The following PDSS2 variants were observed in gnomAD, a reference collection of about 807,000 sequenced individuals.
PDSS2 encodes decaprenyl diphosphate synthase subunit 2.
A neutral mutation model predicts 44.5 loss-of-function variants in PDSS2; 31 were observed. The observed-to-expected ratio is 0.70, with a 90% CI of 0.52 to 0.94. The LOEUF (loss-of-function observed/expected upper bound fraction) is 0.94. Ranked by LOEUF, PDSS2 falls within the 40% of genes least tolerant of loss-of-function variation. PDSS2 has a pLI of 0.00. For missense variants in PDSS2, 452 were observed against 482.2 expected (o/e 0.94, Z 0.59); for synonymous variants, 157 against 180.3 (o/e 0.87, Z 1.03).
chr6:107,301,716 C>A (rs541836655), intron 2 of PDSS2, among the ~76,000 whole-genome samples: 14 of 152,044 alleles, frequency 9.2e-5, no homozygotes, highest in Non-Finnish European at 1.6e-4. Context: ...GTAAGCCCAG[C>A]ACTTTTTGAG....
intron 1 of PDSS2, among the ~76,000 whole-genome samples, chr6:107,415,106 T>A (rs1583055988): frequency 6.6e-6 from 1 of 152,198 alleles, no homozygotes; most frequent in South Asian, 2.1e-4. Flanking sequence ...AAGCTAGGAA[T>A]CTCCAATGGA....
intron 7 of PDSS2, among the ~76,000 whole-genome samples, chr6:107,161,168 C>T (rs1423055234): frequency 1.3e-5 from 2 of 151,704 alleles, no homozygotes; most frequent in Non-Finnish European, 2.9e-5. Flanking sequence ...AGCCACCACT[C>T]CCAGCCTAGG....
At chr6:107,413,111 A>G (rs1780553894) in intron 1 of PDSS2, among the ~76,000 whole-genome samples, 1 of 152,196 alleles carries the variant, frequency 6.6e-6, no homozygotes. Flanking sequence ...GATGTTTCAG[A>G]CTTCTTCTCT....
intron 1 of PDSS2, among the ~76,000 whole-genome samples, chr6:107,340,280 AAACACTAAT>A (rs1459319429): frequency 3.9e-5 from 6 of 152,204 alleles, no homozygotes; most frequent in South Asian, 2.1e-4. Flanking sequence ...GATAAAGAGT[AAACACTAAT>A]AACACTAATA....
chr6:107,307,090 T>C (rs1180101314), intron 2 of PDSS2, among the ~76,000 whole-genome samples: 1 of 152,232 alleles, frequency 6.6e-6, no homozygotes, highest in East Asian at 1.9e-4. Context: ...GCAGATAATA[T>C]GGCTTATTGA....
chr6:107,316,378 G>A (rs2500585), intron 2 of PDSS2, among the ~76,000 whole-genome samples: 104,620 of 152,002 alleles, frequency 0.69, 38,559 homozygotes, highest in Non-Finnish European at 0.82. Flanking sequence ...AGCAGAGGAC[G>A]GATTGGTTTA....
At chr6:107,186,582 C>T (rs770659369) in intron 7 of PDSS2, among the ~76,000 whole-genome samples, 4 of 152,070 alleles carry the variant, frequency 2.6e-5, no homozygotes, top group Non-Finnish European at 4.4e-5. Context: ...CACCTATTGA[C>T]CCGCTCTCTA....
intron 1 of PDSS2, among the ~76,000 whole-genome samples, chr6:107,454,111 G>A (rs913198328): frequency 2.7e-5 from 4 of 148,074 alleles, no homozygotes; most frequent in East Asian, 2.0e-4. Context: ...ACAGTGGCAC[G>A]ACCACAGCTT....
At chr6:107,363,265 G>C (rs908275438) in intron 1 of PDSS2, among the ~76,000 whole-genome samples, 1 of 152,194 alleles carries the variant, frequency 6.6e-6, no homozygotes, top group Non-Finnish European at 1.5e-5. Flanking sequence ...AATTGTGTTC[G>C]GAATTGGTGG....
chr6:107,236,983 G>A (rs1259111554), intron 4 of PDSS2, among the ~76,000 whole-genome samples: 1 of 151,130 alleles, frequency 6.6e-6, no homozygotes, highest in East Asian at 1.9e-4. Flanking sequence ...CTGTTACCCA[G>A]GCTGAAGTAT....
At chr6:107,168,125 G>C (rs573681529) in intron 7 of PDSS2, among the ~76,000 whole-genome samples, 54 of 152,220 alleles carry the variant, frequency 3.5e-4, no homozygotes, top group African/African-American at 1.3e-3. Context: ...TCTCTTTGTA[G>C]GTCTCTAAGG....
chr6:107,421,807 A>AACACACACAC lies in PDSS2; in HGVS notation c.296+37173_296+37182dup, dbSNP rs33978698. 8.2e-4 allele frequency among the ~76,000 whole-genome samples: 120 copies of AACACACACAC among 146,206 alleles called. 1 individual carries two copies. Among genetic ancestry groups the AACACACACAC allele is most frequent in the Admixed American group, 4.3e-3 (62 of 14,542 alleles). ...CTATATACGTGATAAAATTTCACAG[A>AACACACACAC]ACACACACACACACACACACACACA... On this transcript the variant is annotated intron_variant, in intron 1 of 7. Coordinates refer to ENST00000369037, the MANE Select transcript of PDSS2 (RefSeq NM_020381.4).
chr6:107,447,140 T>C (rs1781710960), intron 1 of PDSS2, among the ~76,000 whole-genome samples: 2 of 152,068 alleles, frequency 1.3e-5, no homozygotes, highest in African/African-American at 4.8e-5. Flanking sequence ...GAGACCATCC[T>C]GGCTAACACG....
At chr6:107,298,650 T>A (rs1776591009) in intron 2 of PDSS2, among the ~76,000 whole-genome samples, 1 of 152,212 alleles carries the variant, frequency 6.6e-6, no homozygotes, top group Non-Finnish European at 1.5e-5. Flanking sequence ...TATGCATATA[T>A]GTGTGTGTAT....
chr6:107,257,580 G>C (rs900572036), intron 3 of PDSS2, among the ~76,000 whole-genome samples: 1 of 151,902 alleles, frequency 6.6e-6, no homozygotes, highest in Non-Finnish European at 1.5e-5. Flanking sequence ...GGACATACTT[G>C]GGTTAGAAAT....
chr6:107,341,959 A>C (rs1778093755), intron 1 of PDSS2, among the ~76,000 whole-genome samples: 1 of 152,180 alleles, frequency 6.6e-6, no homozygotes, highest in African/African-American at 2.4e-5. Context: ...ATTAGCATGG[A>C]GGCTCAAAAA....
At chr6:107,314,807 G>A (rs1261724080) in intron 2 of PDSS2, among the ~76,000 whole-genome samples, 1 of 152,206 alleles carries the variant, frequency 6.6e-6, no homozygotes, top group Non-Finnish European at 1.5e-5. Context: ...ATTATTTACA[G>A]AACCATTATC....
chr6:107,214,752 C>T (rs1388350314), intron 4 of PDSS2, among the ~76,000 whole-genome samples: 1 of 152,218 alleles, frequency 6.6e-6, no homozygotes, highest in Non-Finnish European at 1.5e-5. Context: ...GGGGCATCTT[C>T]AGCCCACTGG....
At chr6:107,372,322 A>T (rs974505043) in intron 1 of PDSS2, among the ~76,000 whole-genome samples, 2 of 152,114 alleles carry the variant, frequency 1.3e-5, no homozygotes, top group African/African-American at 4.8e-5. Flanking sequence ...AAATCACAAG[A>T]CTCTGAAGTA....
Sources: gnomAD v4.1 joint callset for allele counts (sites outside exome capture counted in the v4.1 genomes callset) on GRCh38, gnomAD v4.1.1 for gene constraint, MANE v1.5 for transcripts, NCBI Gene and HGNC (gene_info 2026-07-23, HGNC 2026-07-21) for gene names.